Variants in TBC1D31 observed in about 807,000 individuals in gnomAD.
TBC1D31 encodes the protein WD repeat domain 67.
Under a neutral mutation model 132.9 loss-of-function variants are expected in TBC1D31, and 99 were observed. The ratio of observed to expected loss-of-function variants is 0.74; its 90% confidence interval spans 0.63 to 0.88. The LOEUF (loss-of-function observed/expected upper bound fraction) is 0.88. Among genes scored for constraint, TBC1D31 ranks in the 40% least tolerant of loss-of-function variants. TBC1D31 has a pLI of 0.00. For synonymous variants in TBC1D31, 385 were observed against 419.4 expected, an observed-to-expected ratio of 0.92 and a Z score of 1.00; for missense variants, 1,134 against 1,256.6, an observed-to-expected ratio of 0.90 and a Z score of 1.48.
In TBC1D31 at chr8:123,109,550, CAT is replaced by C. The variant is rs750364929; in HGVS notation, c.1367_1368del (p.His456ArgfsTer15). 118 of 1,613,592 alleles carry C rather than the reference CAT, an allele frequency of 7.3e-5. 1 individual carries two copies. Among genetic ancestry groups the C allele is most frequent in the Non-Finnish European group, 8.8e-5 (104 of 1,179,698 alleles). On this transcript the variant is annotated frameshift_variant, in exon 10 of 22. Transcript: ENST00000287380. LOFTEE classifies it high-confidence loss of function. ...TAGTACCCTCATAGATAAGGGGACT[CAT>C]GTGGCATTTCTCAACCTTCAGAAGA... Reference protein sequence around the residue: ...AFSTLIDKGTHVAFLNLQKKY... With the variant: ...AFSTLIDKGTXVAFLNLQKKY...
chr8:123,101,053 T>C lies in TBC1D31; in HGVS notation c.1032+46T>C, dbSNP rs776518718. The C allele has an allele frequency of 4.6e-6, 6 of 1,302,098 alleles. No homozygotes were observed. In the South Asian group the frequency reaches 4.9e-5, roughly 11 times the overall value. 80.7% of individuals were successfully genotyped at this position (1,302,098 alleles called of 1,614,324 possible). A position where few individuals can be genotyped will look rare whatever the true frequency, so the allele number is the denominator to read the frequency against. ...AACATCAGCTTTTTATAAACACTTATATATTATATCATCAAGAATAAAATC... is the reference window on the plus strand; with the variant it reads ...AACATCAGCTTTTTATAAACACTTACATATTATATCATCAAGAATAAAATC... On this transcript the variant is annotated intron_variant, in intron 7 of 21. Transcript: ENST00000287380.
At chr8:123,073,350 T>C (rs1208648647) in intron 1 of TBC1D31, 3 of 456,350 alleles carry the variant, frequency 6.6e-6, no homozygotes, top group African/African-American at 6.0e-5. Flanking sequence ...GCTCCTACTG[T>C]GTGCCAAGCA....
intron 11 of TBC1D31, 96 bp from the exon 12 acceptor site, chr8:123,125,960 T>G (rs567433646): frequency 1.7e-5 from 15 of 900,262 alleles, no homozygotes; most frequent in African/African-American, 3.4e-5. Context: ...ATGGACATAT[T>G]GAGAACATAA....
chr8:123,156,883 G>T (rs1396124138), downstream of TBC1D31, among the ~76,000 whole-genome samples: 2 of 152,186 alleles, frequency 1.3e-5, no homozygotes, highest in Non-Finnish European at 2.9e-5. Context: ...GGCCGCGCTC[G>T]CAGCGCCGTC....
chr8:123,102,941 T>C (rs560918014), intron 7 of TBC1D31: 1 of 152,346 alleles, frequency 6.6e-6, no homozygotes, highest in South Asian at 2.1e-4. Flanking sequence ...AGAAAATACA[T>C]GTGTTAAATA....
At chr8:123,106,629 T>C (rs138093737) in intron 8 of TBC1D31, among the ~76,000 whole-genome samples, 240 of 152,360 alleles carry the variant, frequency 1.6e-3, no homozygotes, top group African/African-American at 5.2e-3. Flanking sequence ...GTGGGGACTA[T>C]TGTAACTTCT....
intron 1 of TBC1D31, among the ~76,000 whole-genome samples, chr8:123,075,991 T>C (rs1316938877): frequency 6.6e-6 from 1 of 152,238 alleles, no homozygotes; most frequent in African/African-American, 2.4e-5. Context: ...TTAAATAACA[T>C]GTCTAAAAGA....
rs1438491929 is a variant in TBC1D31, at chr8:123,077,062, C to G, written c.78-49C>G. Reference sequence around the variant, plus strand: ...TTACTTGCCATATTTTTCATAATATCAAGTAATACGTGACATAGATTCAAT... The same window carrying G: ...TTACTTGCCATATTTTTCATAATATGAAGTAATACGTGACATAGATTCAAT... On this transcript the variant is annotated intron_variant, in intron 1 of 21. Transcript: ENST00000287380. The G allele has an allele frequency of 2.7e-6, 4 of 1,504,264 alleles. No individual in the cohort carries two copies. In the African/African-American group the frequency reaches 5.7e-5, roughly 21 times the overall value. The allele number at this position is 1,504,264 out of a possible 1,614,324, so 93.2% of individuals were successfully genotyped here.
At chr8:123,084,023 A>G (rs1815462412) in intron 3 of TBC1D31, 139 bp from the exon 4 acceptor site, 2 of 683,942 alleles carry the variant, frequency 2.9e-6, no homozygotes, top group Non-Finnish European at 4.9e-6. Flanking sequence ...ACAAGCTTCC[A>G]TTTTTGTGGA....
intron 4 of TBC1D31, among the ~76,000 whole-genome samples, chr8:123,087,032 T>G (rs1347655001): frequency 6.6e-6 from 1 of 152,184 alleles, no homozygotes; most frequent in African/African-American, 2.4e-5. Flanking sequence ...ACCTGTTCTG[T>G]GCCAGGCTTT....
chr8:123,080,782 G>T (rs542851873), intron 2 of TBC1D31, among the ~76,000 whole-genome samples: 1 of 152,016 alleles, frequency 6.6e-6, no homozygotes, highest in Non-Finnish European at 1.5e-5. Flanking sequence ...TGATCCGCCC[G>T]CCTAGGCCTC....
At chr8:123,102,307 A>T (rs552514089) in intron 7 of TBC1D31, 17 of 456,024 alleles carry the variant, frequency 3.7e-5, no homozygotes, top group African/African-American at 3.4e-4. Context: ...GGGTGTTCCA[A>T]TTCTTCCAAG....
chr8:123,123,269 G>A (rs545072732), intron 11 of TBC1D31: 8 of 152,858 alleles, frequency 5.2e-5, no homozygotes, highest in Non-Finnish European at 1.2e-4. Context: ...CTGCTAAAGG[G>A]AAGGGAAAAG....
intron 17 of TBC1D31, among the ~76,000 whole-genome samples, chr8:123,136,927 T>G (rs531999032): frequency 1.4e-3 from 208 of 152,380 alleles, no homozygotes; most frequent in Non-Finnish European, 1.3e-3. Context: ...TAGGTACGGA[T>G]GTGCTGCCAC....
At chr8:123,099,830 G>T (rs1232646919) in intron 6 of TBC1D31, among the ~76,000 whole-genome samples, 1 of 152,154 alleles carries the variant, frequency 6.6e-6, no homozygotes, top group African/African-American at 2.4e-5. Flanking sequence ...GGAAGTCCAA[G>T]ATCTAGAGGT....
At chr8:123,092,644 A>C (rs979144403) in intron 4 of TBC1D31, among the ~76,000 whole-genome samples, 5 of 151,854 alleles carry the variant, frequency 3.3e-5, no homozygotes, top group Admixed American at 1.3e-4. Flanking sequence ...CATTTTGTCT[A>C]TGCATGTATG....
At position 123,126,182 on chromosome 8, in the gene TBC1D31, C is replaced by A; in HGVS notation, c.1697C>A (p.Thr566Asn). 1 of 1,607,078 alleles carries A rather than the reference C, an allele frequency of 6.2e-7. No individual in the cohort carries two copies. The highest frequency in any genetic ancestry group is 8.5e-7 in the Non-Finnish European group (1 of 1,177,792). The change falls in exon 12 of 22, where the codon ACC (threonine) becomes AAC (asparagine). Residue 566 changes from threonine (T) to asparagine (N), a missense_variant. Physicochemically the swap from Thr to Asn is moderately conservative, Grantham distance 65. Transcript: ENST00000287380. Reference protein sequence around the residue: ...LLQHFIDHDITSQLYAWPLLE... With the variant: ...LLQHFIDHDINSQLYAWPLLE... ...CAACACTTCATAGATCATGATATAA[C>A]CTCCCAGGTAAGAAGCATAAGGTTT...
At chr8:123,098,972 G>C (rs907291879) in intron 6 of TBC1D31, among the ~76,000 whole-genome samples, 10 of 152,154 alleles carry the variant, frequency 6.6e-5, no homozygotes, top group Non-Finnish European at 7.4e-5. Context: ...TCTTTTGTAT[G>C]ATAAGTGACA....
chr8:123,102,490 GAA>G (rs1211324881), intron 7 of TBC1D31: 1 of 293,330 alleles, frequency 3.4e-6, no homozygotes, highest in Non-Finnish European at 6.7e-6. Context: ...ACAAATCACT[GAA>G]AGTCTCACCA....
Sources: allele counts gnomAD v4.1 joint callset (sites outside exome capture counted in the v4.1 genomes callset), GRCh38; gene constraint gnomAD v4.1.1; transcripts MANE v1.5; gene names NCBI Gene and HGNC (gene_info 2026-07-23, HGNC 2026-07-21).